SNPH: variants seen among roughly 807,000 people sequenced by gnomAD.
SNPH encodes the protein syntaphilin.
A neutral mutation model predicts 36.8 loss-of-function variants in SNPH; 10 were observed. The ratio of observed to expected loss-of-function variants is 0.27; its 90% CI spans 0.17 to 0.46. SNPH has a LOEUF of 0.46. SNPH is among the 20% of genes least tolerant of loss of function. The pLI is 1.00. For synonymous variants in SNPH, 281 were observed against 312.2 expected, an observed-to-expected ratio of 0.90 and a Z score of 1.05; for missense variants, 622 against 744.0, an observed-to-expected ratio of 0.84 and a Z score of 1.91.
chr20:1,278,953 T>C (rs983249700), intron 2 of SNPH, among the ~76,000 whole-genome samples: 2 of 152,254 alleles, frequency 1.3e-5, no homozygotes, highest in African/African-American at 4.8e-5. Flanking sequence ...CATTTGTTTA[T>C]ACATTCATCT....
At chr20:1,299,504 C>G (rs2088479501) in intron 5 of SNPH, among the ~76,000 whole-genome samples, 1 of 151,730 alleles carries the variant, frequency 6.6e-6, no homozygotes, top group African/African-American at 2.4e-5. Context: ...GGGGCATTCT[C>G]CTTCCCCGTG....
intron 2 of SNPH, among the ~76,000 whole-genome samples, chr20:1,275,303 C>G (rs1164704854): frequency 6.6e-6 from 1 of 152,198 alleles, no homozygotes; most frequent in Non-Finnish European, 1.5e-5. Flanking sequence ...CTGTTGTGGT[C>G]CCCTGTGGGA....
intron 4 of SNPH, 76 bp downstream of exon 4, chr20:1,296,497 C>G (rs1326350086): frequency 7.7e-7 from 1 of 1,295,200 alleles, no homozygotes; most frequent in Non-Finnish European, 1.1e-6. Flanking sequence ...CTACCTGCCA[C>G]CAACTTGCAG....
intron 5 of SNPH, among the ~76,000 whole-genome samples, chr20:1,297,740 G>T (rs954133640): frequency 6.6e-6 from 1 of 152,206 alleles, no homozygotes; most frequent in Non-Finnish European, 1.5e-5. Flanking sequence ...TTGCTGGCCA[G>T]AACTGGGTCA....
intron 2 of SNPH, among the ~76,000 whole-genome samples, chr20:1,275,559 C>T (rs771301375): frequency 2.0e-5 from 3 of 152,194 alleles, no homozygotes; most frequent in Non-Finnish European, 4.4e-5. Context: ...CCATGGCCCA[C>T]AGCTGTTACA....
chr20:1,273,923 A>G (rs2088101024), intron 2 of SNPH, among the ~76,000 whole-genome samples: 1 of 152,160 alleles, frequency 6.6e-6, no homozygotes, highest in Admixed American at 6.5e-5. Context: ...CAGAGCCTAC[A>G]CTTAGATGCC....
rs781409700 is a variant in SNPH at position 1,276,158 on chromosome 20, A to G, written c.-493+9398A>G. On this transcript the variant is annotated intron_variant, in intron 2 of 6. Coordinates refer to ENST00000381867, the MANE Select transcript of SNPH (RefSeq NM_001318234.2). This position sits in a 1 kb window ranked among gnomAD's most constrained non-coding sequence, Gnocchi z 4.6. Reference sequence around the variant, plus strand: ...GGGTGGCACGCAGGGCCCAGATTGGAGCTGTAGACCATTTGAGCCAACTGT... The same window carrying G: ...GGGTGGCACGCAGGGCCCAGATTGGGGCTGTAGACCATTTGAGCCAACTGT... 2.0e-5 allele frequency among the ~76,000 whole-genome samples: 3 copies of G among 152,102 alleles called. No individual in the cohort carries two copies. The highest frequency in any genetic ancestry group is 4.4e-5 in the Non-Finnish European group (3 of 68,012).
intron 2 of SNPH, among the ~76,000 whole-genome samples, chr20:1,278,641 A>G (rs1014314630): frequency 1.3e-5 from 2 of 152,126 alleles, no homozygotes; most frequent in African/African-American, 4.8e-5. Context: ...CACTCAGCAT[A>G]ATTATTTTGA....
intron 2 of SNPH, among the ~76,000 whole-genome samples, chr20:1,279,387 T>C (rs1433095699): frequency 6.6e-6 from 1 of 152,256 alleles, no homozygotes. Flanking sequence ...AGTTCAAGTA[T>C]TTTGCCCATT....
intron 5 of SNPH, 122 bp downstream of exon 5, chr20:1,297,374 C>T (rs559844284): frequency 1.7e-4 from 135 of 799,666 alleles, no homozygotes; most frequent in Non-Finnish European, 2.4e-4. Context: ...AGCCGCTGGC[C>T]GTGTGACCTT....
At chr20:1,279,937 A>G (rs1236916473) in intron 2 of SNPH, among the ~76,000 whole-genome samples, 1 of 152,176 alleles carries the variant, frequency 6.6e-6, no homozygotes, top group East Asian at 1.9e-4. Context: ...AGACTGGAGT[A>G]GAGCTCTCCA....
Position 1,305,731 on chromosome 20 carries a change from C to T in SNPH, c.1294C>T (p.Pro432Ser). ...PITRGPTPQR[P>S]GANPNPGQSV... ...CACCCGTGGACCCACCCCACAGCGGCCTGGTGCCAACCCCAACCCTGGCCA... is the reference window on the plus strand; with the variant it reads ...CACCCGTGGACCCACCCCACAGCGGTCTGGTGCCAACCCCAACCCTGGCCA... Residue 432 changes from proline (P) to serine (S), a missense_variant, in exon 7 of 7, where the codon CCT becomes TCT. By Grantham distance (74) the Pro-to-Ser change is moderately conservative (BLOSUM62 -1). Coordinates refer to ENST00000381867, the MANE Select transcript of SNPH (RefSeq NM_001318234.2). 6.2e-7 allele frequency: 1 copy of T among 1,611,036 alleles called. No individual in the cohort carries two copies. Among genetic ancestry groups the T allele is most frequent in the African/African-American group, 1.3e-5 (1 of 75,060 alleles).
intron 5 of SNPH, among the ~76,000 whole-genome samples, chr20:1,298,081 T>C (rs2088461685): frequency 6.6e-6 from 1 of 152,226 alleles, no homozygotes; most frequent in Non-Finnish European, 1.5e-5. Flanking sequence ...ATGGTAGGCC[T>C]TGTCCTGCTT....
intron 2 of SNPH, among the ~76,000 whole-genome samples, chr20:1,283,500 G>C (rs2088249958): frequency 6.6e-6 from 1 of 152,234 alleles, no homozygotes; most frequent in African/African-American, 2.4e-5. Flanking sequence ...CTCAGTCTCA[G>C]ACAATCACTG....
In SNPH at chr20:1,307,949, C is replaced by T. The variant is rs1568554716; in HGVS notation, c.*1895C>T. On this transcript the variant is annotated 3_prime_UTR_variant, in exon 7 of 7. Transcript: ENST00000381867. ...GCCAAGCCGGGACTGGCTGCGGACC[C>T]AGCCTCCTGTGCCGCGCACTCACGG... is the stretch of plus-strand genomic sequence containing the variant. 1 of 152,738 alleles carries T rather than the reference C, an allele frequency of 6.5e-6. No individual in the cohort carries two copies. The highest frequency in any genetic ancestry group is 1.5e-5 in the Non-Finnish European group (1 of 68,138). The allele number at this position is 152,738 out of a possible 1,614,324, so 9.5% of individuals were successfully genotyped here. A position where few individuals can be genotyped will look rare whatever the true frequency, so the allele number is the denominator to read the frequency against.
rs934654573 is a variant in SNPH at position 1,276,082 on chromosome 20, C to A, written c.-493+9322C>A. Among the ~76,000 whole-genome samples the A allele has an allele frequency of 4.6e-5, 7 of 152,190 alleles. No individual in the cohort carries two copies. The highest frequency in any genetic ancestry group is 1.7e-4 in the African/African-American group (7 of 41,458). On this transcript the variant is annotated intron_variant, in intron 2 of 6. Coordinates refer to ENST00000381867, the MANE Select transcript of SNPH (RefSeq NM_001318234.2). This position sits in a 1 kb window ranked among gnomAD's most constrained non-coding sequence, Gnocchi z 4.6. ...TGTGCTCTCAGAGGATGGAGAGGACCTGACCCCTCCACACCCTCCTGTTCC... is the reference window on the plus strand; with the variant it reads ...TGTGCTCTCAGAGGATGGAGAGGACATGACCCCTCCACACCCTCCTGTTCC...
intron 2 of SNPH, among the ~76,000 whole-genome samples, chr20:1,289,657 C>G (rs913175228): frequency 1.3e-5 from 2 of 150,720 alleles, no homozygotes; most frequent in Admixed American, 1.3e-4. Flanking sequence ...CCACCAAGAG[C>G]AACATAGTGA....
chr20:1,289,248 G>C (rs1159133160), intron 2 of SNPH, among the ~76,000 whole-genome samples: 2 of 151,994 alleles, frequency 1.3e-5, no homozygotes, highest in Non-Finnish European at 2.9e-5. Context: ...GTCTCTACCT[G>C]GCCTCCCTCT....
chr20:1,275,215 ATTG>A (rs2088117568), intron 2 of SNPH, among the ~76,000 whole-genome samples: 2 of 152,072 alleles, frequency 1.3e-5, no homozygotes, highest in African/African-American at 4.8e-5. Context: ...CTTCAGACAA[ATTG>A]TGTTACCCCC....
Sources: allele counts gnomAD v4.1 joint callset (sites outside exome capture counted in the v4.1 genomes callset), GRCh38; gene constraint gnomAD v4.1.1; non-coding constraint Gnocchi (gnomAD v3.1); transcripts MANE v1.5; gene names NCBI Gene and HGNC (gene_info 2026-07-23, HGNC 2026-07-21).